The following TGFBR3 variants were observed in gnomAD, a reference collection of about 807,000 sequenced individuals.
TGFBR3 encodes transforming growth factor beta receptor 3.
Under a neutral mutation model 87.9 loss-of-function variants are expected in TGFBR3, and 46 were observed. The ratio of observed to expected loss-of-function variants is 0.52; its 90% confidence interval spans 0.41 to 0.67. The LOEUF (loss-of-function observed/expected upper bound fraction) is 0.67, where lower values mean the gene tolerates loss of function less well. TGFBR3 is among the 30% of genes least tolerant of loss of function. The pLI, the probability that TGFBR3 is intolerant of heterozygous loss-of-function variation, is 0.00. For synonymous variants in TGFBR3, 381 were observed against 391.6 expected, an observed-to-expected ratio of 0.97 and a Z score of 0.32; for missense variants, 866 against 1,041.9, an observed-to-expected ratio of 0.83 and a Z score of 2.32.
At chr1:91,716,964 A>G (rs1261660701) in intron 10 of TGFBR3, among the ~76,000 whole-genome samples, 1 of 152,252 alleles carries the variant, frequency 6.6e-6, no homozygotes, top group African/African-American at 2.4e-5. Context: ...ATAAATATTT[A>G]TGTTGTAACC....
rs537052379 is a variant in TGFBR3 at position 91,713,247 on chromosome 1, C to T, written c.1867-705G>A. 1.8e-4 allele frequency among the ~76,000 whole-genome samples: 27 copies of T among 152,294 alleles called. No individual in the cohort carries two copies. The East Asian group carries it at 2.5e-3, about 14-fold the overall frequency. On this transcript the variant is annotated intron_variant, in intron 12 of 16. Coordinates refer to ENST00000212355, the MANE Select transcript of TGFBR3 (RefSeq NM_003243.5). ...GGGAAATCTAATCTGGAAACGTTTCCGACTCATTTATACTTCCCCCTTTGA... is the reference window on the plus strand; with the variant it reads ...GGGAAATCTAATCTGGAAACGTTTCTGACTCATTTATACTTCCCCCTTTGA...
intron 3 of TGFBR3, among the ~76,000 whole-genome samples, chr1:91,781,196 G>A (rs988010934): frequency 6.6e-6 from 1 of 152,094 alleles, no homozygotes; most frequent in Admixed American, 6.5e-5. Flanking sequence ...TAATAATATC[G>A]TTTCAGTTCA....
intron 4 of TGFBR3, among the ~76,000 whole-genome samples, chr1:91,742,567 TTCCATG>T (rs1304325633): frequency 6.6e-6 from 1 of 152,232 alleles, no homozygotes; most frequent in Non-Finnish European, 1.5e-5. Context: ...TATTTAGTAA[TTCCATG>T]TCTTCCCCAC....
chr1:91,765,707 C>T (rs186824372), intron 3 of TGFBR3, among the ~76,000 whole-genome samples: 40 of 152,268 alleles, frequency 2.6e-4, no homozygotes, highest in Admixed American at 1.3e-3. Flanking sequence ...ACCTTTGGAG[C>T]GTGTTTTCTT....
chr1:91,860,682 A>C (rs1678145749), intron 2 of TGFBR3, among the ~76,000 whole-genome samples: 1 of 152,150 alleles, frequency 6.6e-6, no homozygotes, highest in Non-Finnish European at 1.5e-5. Flanking sequence ...TAGTAATCCC[A>C]GCACTTTGGG....
intron 16 of TGFBR3, among the ~76,000 whole-genome samples, chr1:91,684,252 CTG>C (rs552215907): frequency 1.0e-3 from 154 of 152,344 alleles, no homozygotes; most frequent in African/African-American, 3.5e-3. Flanking sequence ...CATAAAGACA[CTG>C]TAGGATTTGG....
intron 2 of TGFBR3, among the ~76,000 whole-genome samples, chr1:91,841,456 G>A (rs1331094098): frequency 6.6e-6 from 1 of 152,046 alleles, no homozygotes; most frequent in Non-Finnish European, 1.5e-5. Context: ...ATCCAATATT[G>A]CTCTTATACA....
chr1:91,749,291 G>A (rs1432407208), intron 4 of TGFBR3, among the ~76,000 whole-genome samples: 4 of 152,044 alleles, frequency 2.6e-5, no homozygotes, highest in African/African-American at 7.2e-5. Context: ...GGTGGCAGAC[G>A]GAAGACCCCC....
chr1:91,730,452 CT>C (rs1672725927), intron 5 of TGFBR3, among the ~76,000 whole-genome samples: 1 of 152,172 alleles, frequency 6.6e-6, no homozygotes, highest in Non-Finnish European at 1.5e-5. Flanking sequence ...CTATCTCATT[CT>C]TTTTCTAGGT....
intron 2 of TGFBR3, among the ~76,000 whole-genome samples, chr1:91,813,838 T>G (rs1314243627): frequency 6.6e-6 from 1 of 152,172 alleles, no homozygotes; most frequent in African/African-American, 2.4e-5. Context: ...AGGATGGTTT[T>G]GGGATGGAAC....
At chr1:91,844,618 A>C (rs1462328754) in intron 2 of TGFBR3, among the ~76,000 whole-genome samples, 1 of 152,352 alleles carries the variant, frequency 6.6e-6, no homozygotes, top group South Asian at 2.1e-4. Context: ...GCAAATAACC[A>C]TACTTATTTT....
Position 91,883,042 on chromosome 1 carries a change from T to C in TGFBR3, c.-114+2836A>G, listed in dbSNP as rs539893303. Among the ~76,000 whole-genome samples the C allele has an allele frequency of 3.9e-5, 6 of 152,314 alleles. No homozygotes were observed. The South Asian group carries it at 1.2e-3, about 32-fold the overall frequency. ...ACCAACCTCCCTGAGAACAAATTCA[T>C]TATATTCAGTTTTCTACAAAACACA... is the stretch of plus-strand genomic sequence containing the variant. On this transcript the variant is annotated intron_variant, in intron 1 of 16. Transcript: ENST00000212355.
At chr1:91,812,262 A>G (rs1676058264) in intron 2 of TGFBR3, among the ~76,000 whole-genome samples, 1 of 152,196 alleles carries the variant, frequency 6.6e-6, no homozygotes, top group Non-Finnish European at 1.5e-5. Context: ...ACCTTACTTC[A>G]TCTGGCCCAA....
At chr1:91,833,655 G>GT (rs1417883245) in intron 2 of TGFBR3, among the ~76,000 whole-genome samples, 1 of 150,876 alleles carries the variant, frequency 6.6e-6, no homozygotes, top group Non-Finnish European at 1.5e-5. Context: ...GCACACACCT[G>GT]TAATTCCAGC....
intron 5 of TGFBR3, among the ~76,000 whole-genome samples, chr1:91,733,708 G>A (rs967201243): frequency 6.6e-6 from 1 of 152,138 alleles, no homozygotes. Flanking sequence ...ACTTATGGGG[G>A]TTCCAAATAT....
chr1:91,708,152 T>C (rs1406124997), intron 14 of TGFBR3, among the ~76,000 whole-genome samples: 2 of 152,262 alleles, frequency 1.3e-5, no homozygotes, highest in Admixed American at 6.5e-5. Flanking sequence ...TGCAAAATTC[T>C]GAAAACTGAA....
rs550776822 is a variant in TGFBR3 at position 91,709,764 on chromosome 1, C to A, written c.2167-981G>T. On this transcript the variant is annotated intron_variant, in intron 13 of 16. Transcript: ENST00000212355. Reference sequence around the variant, plus strand: ...TCTATATTTATCAATAGGTATAGTTCTTTTTTATTTTTCTTGAGACAGGGT... The same window carrying A: ...TCTATATTTATCAATAGGTATAGTTATTTTTTATTTTTCTTGAGACAGGGT... Among the ~76,000 whole-genome samples the A allele has an allele frequency of 7.2e-5, 11 of 152,104 alleles. 1 individual carries two copies. The highest frequency in any genetic ancestry group is 2.2e-4 in the African/African-American group (9 of 41,498).
At chr1:91,713,174 C>T (rs1431246219) in intron 12 of TGFBR3, among the ~76,000 whole-genome samples, 5 of 152,190 alleles carry the variant, frequency 3.3e-5, no homozygotes, top group African/African-American at 1.2e-4. Context: ...TCCAAATCAG[C>T]CTTGCCAAGT....
At position 91,747,093 on chromosome 1, in the gene TGFBR3, T is replaced by C. The variant is rs1460314940; in HGVS notation, c.384+11520A>G. ...GGAAACAACTGGGGCTCTGAGCAAT[T>C]AGATAAAGTGCCAGATTACACACCT... On this transcript the variant is annotated intron_variant, in intron 4 of 16. Transcript: ENST00000212355. Among the ~76,000 whole-genome samples, 4 of 152,186 alleles carry C rather than the reference T, an allele frequency of 2.6e-5. No homozygotes were observed. The East Asian group carries it at 5.8e-4, about 22-fold the overall frequency.
Sources: allele counts gnomAD v4.1 joint callset (sites outside exome capture counted in the v4.1 genomes callset), GRCh38; gene constraint gnomAD v4.1.1; transcripts MANE v1.5; gene names NCBI Gene and HGNC (gene_info 2026-07-23, HGNC 2026-07-21).